The following MACF1 variants were observed in gnomAD, a reference collection of about 807,000 sequenced individuals.
MACF1 encodes microtubule-actin cross-linking factor 1.
In MACF1, 193 loss-of-function variants were observed where a neutral mutation model predicts 854.8. That is an observed-to-expected ratio of 0.23 (90% confidence interval 0.20 to 0.25). The LOEUF (loss-of-function observed/expected upper bound fraction) is 0.25. Among genes scored for constraint, MACF1 ranks in the 10% least tolerant of loss-of-function variants. The pLI is 1.00. For missense variants in MACF1, 7,722 were observed against 8,929.1 expected, an observed-to-expected ratio of 0.86 and a Z score of 5.45; for synonymous variants, 3,185 against 3,226.7, an observed-to-expected ratio of 0.99 and a Z score of 0.44.
In MACF1 at chr1:39,427,606, C is replaced by T. The variant is rs757961158; in HGVS notation, c.16468C>T (p.Arg5490Trp). Reference protein sequence around the residue: ...QTAKIQQQIIRHKALEEDIEN... With the variant: ...QTAKIQQQIIWHKALEEDIEN... ...TGCCAAAATACAGCAGCAGATCATT[C>T]GGCACAAGGTAGGGAGTGGTTACAG... is the stretch of plus-strand genomic sequence containing the variant. Residue 5490 changes from arginine to tryptophan, a missense_variant, in exon 62 of 101, where the codon CGG becomes TGG. This residue lies in a region of MACF1 where 2,807 missense variants were observed against 3,235.8 expected (regional missense o/e 0.87). Transcript: ENST00000564288. 1.1e-5 allele frequency: 18 copies of T among 1,613,700 alleles called. No individual in the cohort carries two copies. Among genetic ancestry groups the T allele is most frequent in the African/African-American group, 5.3e-5 (4 of 74,858 alleles).
intron 6 of MACF1, among the ~76,000 whole-genome samples, chr1:39,274,821 A>C (rs749732494): frequency 6.6e-6 from 1 of 152,232 alleles, no homozygotes; most frequent in African/African-American, 2.4e-5. Context: ...TGTAAATGGA[A>C]GATAAGAATA....
chr1:39,150,254 A>C (rs1172173090), intron 2 of MACF1, among the ~76,000 whole-genome samples: 1 of 152,158 alleles, frequency 6.6e-6, no homozygotes, highest in Non-Finnish European at 1.5e-5. Context: ...CCTGAGCTCA[A>C]GCGATTCGCC....
At chr1:39,285,473 A>G (rs1302667790) in intron 13 of MACF1, 83 bp downstream of exon 13, 8 of 1,550,964 alleles carry the variant, frequency 5.2e-6, no homozygotes, top group South Asian at 4.6e-5. Flanking sequence ...GAAGTTAGCA[A>G]TCGAGGAATC....
intron 58 of MACF1, among the ~76,000 whole-genome samples, chr1:39,393,020 CA>C (rs1642094452): frequency 1.3e-5 from 2 of 151,694 alleles, no homozygotes; most frequent in Non-Finnish European, 2.9e-5. Context: ...AAGACTTTGG[CA>C]AATCTCTTCA....
At chr1:39,101,374 G>GTATA (rs112843404) in intron 2 of MACF1, among the ~76,000 whole-genome samples, 2,126 of 124,128 alleles carry the variant, frequency 0.017, 37 homozygotes, top group African/African-American at 0.033. Context: ...AAAAAAATAT[G>GTATA]TATATATATA....
chr1:39,325,995 A>C (rs1646602377), intron 35 of MACF1, among the ~76,000 whole-genome samples: 1 of 152,110 alleles, frequency 6.6e-6, no homozygotes, highest in South Asian at 2.1e-4. Flanking sequence ...TTAGTGTAGG[A>C]GCAGAAGAGA....
At chr1:39,255,258 A>G (rs1645084270) in intron 5 of MACF1, among the ~76,000 whole-genome samples, 1 of 152,190 alleles carries the variant, frequency 6.6e-6, no homozygotes, top group Admixed American at 6.5e-5. Context: ...GATGGATGAG[A>G]AGCAGAGCAC....
intron 26 of MACF1, among the ~76,000 whole-genome samples, chr1:39,311,710 G>C (rs905880688): frequency 6.6e-6 from 1 of 152,184 alleles, no homozygotes; most frequent in African/African-American, 2.4e-5. Flanking sequence ...TACAATTGGA[G>C]ACTTCAGTAT....
chr1:39,394,499 G>A (rs772141409), intron 58 of MACF1, among the ~76,000 whole-genome samples: 4 of 152,238 alleles, frequency 2.6e-5, no homozygotes, highest in Admixed American at 2.0e-4. Flanking sequence ...GCACATGCCT[G>A]TAGTCTCAGC....
chr1:39,237,688 T>C (rs776860859), intron 2 of MACF1, among the ~76,000 whole-genome samples: 11 of 151,886 alleles, frequency 7.2e-5, no homozygotes, highest in Non-Finnish European at 1.3e-4. Flanking sequence ...AATTACTTGT[T>C]CTTCCTGCTA....
At position 39,428,489 on chromosome 1, in the gene MACF1, A is replaced by G. The variant is rs183966089; in HGVS notation, c.16803+202A>G. 1.7e-3 allele frequency among the ~76,000 whole-genome samples: 255 copies of G among 152,280 alleles called. 6 individuals carry two copies. Among genetic ancestry groups the G allele is most frequent in the Non-Finnish European group, 6.6e-4 (45 of 68,026 alleles). The stretch of plus-strand genomic sequence containing the variant: ...GGAAATACTTATATTTAACAAGTTA[A>G]ATCAGTAATTCTAGAAGATGGTACA... On this transcript the variant is annotated intron_variant, in intron 63 of 100. Transcript: ENST00000564288.
intron 47 of MACF1, 123 bp downstream of exon 47, chr1:39,359,387 C>G (rs1647864473): frequency 1.9e-6 from 2 of 1,077,042 alleles, no homozygotes; most frequent in African/African-American, 1.6e-5. Context: ...AGAATATAAA[C>G]ATGAATAGAC....
Position 39,335,674 on chromosome 1 carries a change from C to G in MACF1, c.9086C>G (p.Ala3029Gly), listed in dbSNP as rs1316837104. The G allele has an allele frequency of 1.2e-6, 2 of 1,613,878 alleles. No individual in the cohort carries two copies. The highest frequency in any genetic ancestry group is 1.7e-6 in the Non-Finnish European group (2 of 1,179,996). The change falls in exon 37 of 101, where the codon GCT becomes GGT. Residue 3029 changes from alanine to glycine, a missense_variant. By Grantham distance (60) the Ala-to-Gly change is moderately conservative. This residue lies in a region of MACF1 where 854 missense variants were observed against 852.6 expected (regional missense o/e 1.00). Transcript: ENST00000564288. ...ACCTCAAGTGAAAAAGGGAAAGAAG[C>G]TGATACAGAAATGGGATTTTCTATT... is the stretch of plus-strand genomic sequence containing the variant. Reference protein sequence around the residue: ...EMTSSEKGKEADTEMGFSITF... With the variant: ...EMTSSEKGKEGDTEMGFSITF...
At chr1:39,349,420 T>A in intron 41 of MACF1, 58 bp from the exon 42 acceptor site, 1 of 1,536,148 alleles carries the variant, frequency 6.5e-7, no homozygotes, top group Admixed American at 2.0e-5. Context: ...AGGGAGTTTC[T>A]TGTATTTGCA....
intron 36 of MACF1, among the ~76,000 whole-genome samples, chr1:39,327,706 C>G (rs981743119): frequency 6.6e-6 from 1 of 152,128 alleles, no homozygotes; most frequent in African/African-American, 2.4e-5. Context: ...AAGTTGATAG[C>G]CAAAAGTTCT....
intron 2 of MACF1, among the ~76,000 whole-genome samples, chr1:39,174,074 A>G (rs536632984): frequency 6.6e-6 from 1 of 152,282 alleles, no homozygotes; most frequent in East Asian, 1.9e-4. Context: ...GAGATTAACA[A>G]CAGCAACAAA....
intron 2 of MACF1, among the ~76,000 whole-genome samples, chr1:39,241,430 T>C (rs1644921337): frequency 6.6e-6 from 1 of 151,990 alleles, no homozygotes; most frequent in Non-Finnish European, 1.5e-5. Context: ...GAGGCCAAGG[T>C]GGGTGAATCA....
chr1:39,103,081 T>C (rs1642133839), intron 2 of MACF1: 1 of 642,076 alleles, frequency 1.6e-6, no homozygotes, highest in Non-Finnish European at 2.9e-6. Context: ...GCAATTTGAG[T>C]CTTAGAGAAG....
At chr1:39,383,831 C>T (rs1047611650) in intron 56 of MACF1, among the ~76,000 whole-genome samples, 16 of 151,482 alleles carry the variant, frequency 1.1e-4, no homozygotes, top group Non-Finnish European at 2.2e-4. Context: ...GAGCCGAGAT[C>T]GCACCACTGC....
Sources: allele counts gnomAD v4.1 joint callset (sites outside exome capture counted in the v4.1 genomes callset), GRCh38; gene constraint gnomAD v4.1.1; regional missense constraint gnomAD v4.1.1; transcripts MANE v1.5; gene names NCBI Gene and HGNC (gene_info 2026-07-23, HGNC 2026-07-21).